LIPC: variants seen among roughly 807,000 people sequenced by gnomAD.
LIPC encodes the protein lipase C, hepatic type.
A neutral mutation model predicts 50.7 loss-of-function variants in LIPC; 44 were observed. That is an observed-to-expected ratio of 0.87 (90% confidence interval 0.68 to 1.11). The LOEUF (loss-of-function observed/expected upper bound fraction) is 1.11, where lower values mean the gene tolerates loss of function less well. Among genes scored for constraint, LIPC ranks in the 50% most tolerant of loss-of-function variants. The pLI, the probability that LIPC is intolerant of heterozygous loss-of-function variation, is 0.00. For synonymous variants in LIPC, 271 were observed against 256.4 expected (o/e 1.06, Z -0.54); for missense variants, 697 against 648.2 (o/e 1.08, Z -0.82).
intron 1 of LIPC, among the ~76,000 whole-genome samples, chr15:58,507,338 G>GGGAA (rs150814777): frequency 8.6e-5 from 13 of 151,738 alleles, no homozygotes; most frequent in South Asian, 8.3e-4. Context: ...GAGAGGAGGA[G>GGGAA]GGAAGGAAGG....
chr15:58,509,601 A>T (rs4775064), intron 1 of LIPC, among the ~76,000 whole-genome samples: 3 of 151,296 alleles, frequency 2.0e-5, no homozygotes, highest in African/African-American at 4.9e-5. Context: ...CACAATCTTT[A>T]TTCTTTTTTT....
At chr15:58,509,350 G>A (rs1892261974) in intron 1 of LIPC, among the ~76,000 whole-genome samples, 1 of 152,176 alleles carries the variant, frequency 6.6e-6, no homozygotes, top group Non-Finnish European at 1.5e-5. Context: ...AGTCAGCATA[G>A]AATGGTTGGA....
Position 58,541,793 on chromosome 15 carries a change from C to T in LIPC, c.282C>T (p.Gly94=), listed in dbSNP as rs981189648. The T allele has an allele frequency of 6.8e-6, 11 of 1,613,292 alleles. No individual in the cohort carries two copies. The highest frequency in any genetic ancestry group is 3.3e-4 in the Middle Eastern group (2 of 6,010). The change falls in exon 3 of 9, where the codon GGC becomes GGT. Residue 94 remains glycine (G), a synonymous_variant. Coordinates refer to ENST00000299022, the MANE Select transcript of LIPC (RefSeq NM_000236.3). ...CTCTGTCCCCTCCTCAGGTGGACGGCGTGCTAGAAAACTGGATCTGGCAGA... is the reference window on the plus strand; with the variant it reads ...CTCTGTCCCCTCCTCAGGTGGACGGTGTGCTAGAAAACTGGATCTGGCAGA... ...VMIIHGWSVD[G]VLENWIWQMV... is the part of the protein sequence containing the mutation.
intron 1 of LIPC, among the ~76,000 whole-genome samples, chr15:58,449,012 T>G (rs1285693815): frequency 6.6e-6 from 1 of 151,868 alleles, no homozygotes; most frequent in Non-Finnish European, 1.5e-5. Context: ...AGGAGAGACT[T>G]TGGAAGAGGG....
In LIPC at chr15:58,544,395, CT is replaced by C. The variant is rs66982295; in HGVS notation, c.575-1329del. 4.2e-4 allele frequency among the ~76,000 whole-genome samples: 54 copies of C among 128,960 alleles called. 1 individual carries two copies. The highest frequency in any genetic ancestry group is 1.5e-3 in the Admixed American group (18 of 11,768). The allele number at this position is 128,960 out of a possible 152,430, so 84.6% of individuals were successfully genotyped here. On this transcript the variant is annotated intron_variant, in intron 4 of 8. Transcript: ENST00000299022. ...TCAGGACATTTTTCTTTTTCTCTTT[CT>C]TTTTTTTTTTTTTTTTTGAGACAGA...
intron 1 of LIPC, among the ~76,000 whole-genome samples, chr15:58,507,909 A>G (rs1892204729): frequency 6.6e-6 from 1 of 152,188 alleles, no homozygotes; most frequent in Non-Finnish European, 1.5e-5. Flanking sequence ...GGGGGAGACG[A>G]GTGGACTTGG....
intron 1 of LIPC, among the ~76,000 whole-genome samples, chr15:58,441,316 C>T (rs1893502402): frequency 6.6e-6 from 1 of 152,196 alleles, no homozygotes; most frequent in Admixed American, 6.5e-5. Context: ...ATAACAGGAG[C>T]TTAATATGAA....
chr15:58,545,412 T>G (rs1165420482), intron 4 of LIPC, among the ~76,000 whole-genome samples: 1 of 152,140 alleles, frequency 6.6e-6, no homozygotes, highest in Non-Finnish European at 1.5e-5. Context: ...ATAACTTTTG[T>G]ATTCTTTTTT....
At chr15:58,449,539 T>C (rs1168128895) in intron 1 of LIPC, among the ~76,000 whole-genome samples, 1 of 151,898 alleles carries the variant, frequency 6.6e-6, no homozygotes, top group Non-Finnish European at 1.5e-5. Context: ...GAGGAATGGG[T>C]TTTAAATGCA....
intron 1 of LIPC, among the ~76,000 whole-genome samples, chr15:58,531,332 C>T (rs1029892451): frequency 5.9e-5 from 9 of 152,258 alleles, no homozygotes; most frequent in African/African-American, 1.9e-4. Context: ...GTGGAATGTG[C>T]CTATGACCTC....
At chr15:58,510,801 T>C (rs1434282637) in intron 1 of LIPC, among the ~76,000 whole-genome samples, 1 of 152,262 alleles carries the variant, frequency 6.6e-6, no homozygotes, top group Non-Finnish European at 1.5e-5. Flanking sequence ...TGAAATACTA[T>C]AATAAACAAG....
intron 4 of LIPC, among the ~76,000 whole-genome samples, chr15:58,544,771 G>GC (rs761967233): frequency 3.9e-5 from 6 of 152,136 alleles, no homozygotes; most frequent in Non-Finnish European, 5.9e-5. Context: ...CAATTCCTTC[G>GC]CCCCCCAAGT....
intron 1 of LIPC, among the ~76,000 whole-genome samples, chr15:58,469,075 ATAACT>A (rs1480485942): frequency 6.6e-6 from 1 of 150,804 alleles, no homozygotes; most frequent in African/African-American, 2.5e-5. Flanking sequence ...TTTTTTTCTA[ATAACT>A]TAAACGGCTT....
At chr15:58,494,207 G>A (rs1383975980) in intron 1 of LIPC, among the ~76,000 whole-genome samples, 3 of 152,236 alleles carry the variant, frequency 2.0e-5, no homozygotes, top group Admixed American at 6.5e-5. Flanking sequence ...CTCCACAATG[G>A]AAGGCCTAGT....
At chr15:58,560,751 A>C (rs1453622948) in intron 6 of LIPC, 113 bp from the exon 7 acceptor site, 5 of 660,852 alleles carry the variant, frequency 7.6e-6, no homozygotes, top group Non-Finnish European at 1.4e-5. Context: ...ACATATTAAT[A>C]TCTATCCAAA....
Position 58,548,422 on chromosome 15 carries a change from C to G in LIPC, c.901C>G (p.Pro301Ala), listed in dbSNP as rs1490495979. ...CGCCGGCACGCAGAGCATGGCCTAC[C>G]CGTGTGGTGACATGAACAGCTTCAG... is the stretch of plus-strand genomic sequence containing the variant. ...LHAGTQSMAY[P>A]CGDMNSFSQG... is the part of the protein sequence containing the mutation. Residue 301 changes from proline to alanine, a missense_variant, in exon 6 of 9, where the codon CCG becomes GCG. Coordinates refer to ENST00000299022, the MANE Select transcript of LIPC (RefSeq NM_000236.3). 6.8e-6 allele frequency: 11 copies of G among 1,614,104 alleles called. No homozygotes were observed. Among genetic ancestry groups the G allele is most frequent in the Non-Finnish European group, 9.3e-6 (11 of 1,180,034 alleles).
chr15:58,447,729 C>G (rs928838804), intron 1 of LIPC, among the ~76,000 whole-genome samples: 1 of 152,150 alleles, frequency 6.6e-6, no homozygotes, highest in African/African-American at 2.4e-5. Context: ...TTGGGATGGG[C>G]TCCAGGATCC....
At chr15:58,529,731 G>A (rs952543229) in intron 1 of LIPC, among the ~76,000 whole-genome samples, 6 of 152,194 alleles carry the variant, frequency 3.9e-5, no homozygotes, top group Non-Finnish European at 5.9e-5. Flanking sequence ...CACAGTAGAA[G>A]GATGCTGGCT....
At chr15:58,505,527 G>A (rs1159049585) in intron 1 of LIPC, among the ~76,000 whole-genome samples, 1 of 152,134 alleles carries the variant, frequency 6.6e-6, no homozygotes, top group African/African-American at 2.4e-5. Flanking sequence ...CTATGAAGTG[G>A]GACAAACATT....
Sources: gnomAD v4.1 joint callset for allele counts (sites outside exome capture counted in the v4.1 genomes callset) on GRCh38, gnomAD v4.1.1 for gene constraint, MANE v1.5 for transcripts, NCBI Gene and HGNC (gene_info 2026-07-23, HGNC 2026-07-21) for gene names.